Variants in PVALEF observed in about 807,000 individuals in gnomAD.
PVALEF encodes parvalbumin like EF-hand containing.
A neutral mutation model predicts 1.2 loss-of-function variants in PVALEF; 2 were observed. That is an observed-to-expected ratio of 1.68 (90% CI 0.69 to 5.28). PVALEF has a LOEUF of 5.28. PVALEF is among the 30% of genes most tolerant of loss of function. PVALEF has a pLI of 0.06. For synonymous variants in PVALEF, 16 were observed against 6.5 expected (o/e 2.47, Z -2.24); for missense variants, 35 against 17.7 (o/e 1.97, Z -1.75).
chr17:81,166,298 A>G (rs112054220), intron 1 of PVALEF, among the ~76,000 whole-genome samples: 46,107 of 53,588 alleles, frequency 0.86, 19,837 homozygotes, highest in Admixed American at 0.88. Flanking sequence ...GCATGGGGGG[A>G]GCACGGAGAG....
At chr17:81,180,587 G>C (rs1254071939) in intron 3 of PVALEF, among the ~76,000 whole-genome samples, 1 of 152,198 alleles carries the variant, frequency 6.6e-6, no homozygotes, top group Non-Finnish European at 1.5e-5. Flanking sequence ...GCACAACCCT[G>C]TGAAGGGGCA....
At chr17:81,180,407 C>G (rs986622440) in intron 3 of PVALEF, among the ~76,000 whole-genome samples, 1 of 152,056 alleles carries the variant, frequency 6.6e-6, no homozygotes. Flanking sequence ...TGAAGTGGGG[C>G]GGGGCCTGTC....
intron 2 of PVALEF, among the ~76,000 whole-genome samples, chr17:81,175,242 A>T (rs2061532941): frequency 6.6e-6 from 1 of 152,262 alleles, no homozygotes; most frequent in Non-Finnish European, 1.5e-5. Context: ...TTGCACAATG[A>T]AAACTACAAA....
In PVALEF at chr17:81,181,943, G is replaced by C. The variant is rs189724100; in HGVS notation, c.243-23G>C. The C allele has an allele frequency of 2.5e-4, 98 of 398,488 alleles. 2 individuals are homozygous for C. Among genetic ancestry groups the C allele is most frequent in the East Asian group, 2.4e-3 (67 of 28,060 alleles). The allele number at this position is 398,488 out of a possible 1,614,324, so 24.7% of individuals were successfully genotyped here. A position where few individuals can be genotyped will look rare whatever the true frequency, so the allele number is the denominator to read the frequency against. On this transcript the variant is annotated intron_variant, in intron 5 of 6. Coordinates refer to ENST00000637878, the MANE Select transcript of PVALEF (RefSeq NM_001354639.2). Reference sequence around the variant, plus strand: ...CACTGGCCGGAAGCCCCTTGGCCCTGACTCGAGCCCCCTTGGCCCCAGGTA... The same window carrying C: ...CACTGGCCGGAAGCCCCTTGGCCCTCACTCGAGCCCCCTTGGCCCCAGGTA...
At chr17:81,170,231 A>G (rs9895984) in intron 2 of PVALEF, among the ~76,000 whole-genome samples, 35,874 of 148,404 alleles carry the variant, frequency 0.24, 4,666 homozygotes, top group Non-Finnish European at 0.28. Flanking sequence ...GTGTGCATGT[A>G]TGTGTACACA....
At chr17:81,167,059 AG>A (rs770329783) in intron 2 of PVALEF, among the ~76,000 whole-genome samples, 16 of 152,052 alleles carry the variant, frequency 1.1e-4, no homozygotes, top group Non-Finnish European at 1.0e-4. Context: ...TTGGGAGGCC[AG>A]GGCAGGCGGG....
At chr17:81,166,104 C>G (rs1282738595) in intron 1 of PVALEF, 2 of 571,892 alleles carry the variant, frequency 3.5e-6, no homozygotes, top group African/African-American at 2.1e-5. Context: ...CGGAGCGCGC[C>G]GGCCCCCGCG....
intron 2 of PVALEF, among the ~76,000 whole-genome samples, chr17:81,169,909 T>C (rs2061513032): frequency 6.6e-6 from 1 of 151,938 alleles, no homozygotes; most frequent in South Asian, 2.1e-4. Context: ...GGTAGGTGTG[T>C]ATCGGTTTGT....
At position 81,180,142 on chromosome 17, in the gene PVALEF, G is replaced by A. The variant is rs570761735; in HGVS notation, c.-104-981G>A. Among the ~76,000 whole-genome samples the A allele has an allele frequency of 4.9e-4, 75 of 152,292 alleles. No individual in the cohort carries two copies. In the Middle Eastern group the frequency reaches 0.024, roughly 48 times the overall value. Reference sequence around the variant, plus strand: ...CCGGATCTCGGGCTCCCCTGCCTTCGTTGGGGGCACCCCTGAGAGCAGTGG... The same window carrying A: ...CCGGATCTCGGGCTCCCCTGCCTTCATTGGGGGCACCCCTGAGAGCAGTGG... On this transcript the variant is annotated intron_variant, in intron 3 of 6. Transcript: ENST00000637878.
chr17:81,171,104 C>T (rs575414245), intron 2 of PVALEF, among the ~76,000 whole-genome samples: 149 of 152,320 alleles, frequency 9.8e-4, no homozygotes, highest in Admixed American at 1.7e-3. Context: ...CTGTCTAGTG[C>T]GGGGACAAGG....
chr17:81,182,070 T>C lies in PVALEF; in HGVS notation c.347T>C (p.Ile116Thr), dbSNP rs969666091. The change falls in exon 6 of 7, where the codon ATC (isoleucine) becomes ACC (threonine). Residue 116 changes from isoleucine (I) to threonine (T), a missense_variant. By Grantham distance (89) the Ile-to-Thr change is moderately conservative. Transcript: ENST00000637878. ...GCAGACACACACGGGGACGGGAGGA[T>C]CAACTACGAAGGTGGGGGCAGCACA... ...QAADTHGDGRINYEEFSELIK... is the reference protein window; with the variant it reads ...QAADTHGDGRTNYEEFSELIK... 3 of 398,406 alleles carry C rather than the reference T, an allele frequency of 7.5e-6. No homozygotes were observed. Among genetic ancestry groups the C allele is most frequent in the African/African-American group, 4.1e-5 (2 of 48,568 alleles). 24.7% of individuals were successfully genotyped at this position (398,406 alleles called of 1,614,324 possible). A position where few individuals can be genotyped will look rare whatever the true frequency, so the allele number is the denominator to read the frequency against.
intron 3 of PVALEF, among the ~76,000 whole-genome samples, chr17:81,179,910 TTGGCAGGGCCTTTCC>T (rs2061548005): frequency 6.6e-6 from 1 of 152,124 alleles, no homozygotes; most frequent in East Asian, 1.9e-4. Flanking sequence ...CAGAGGCCTT[TTGGCAGGGCCTTTCC>T]TGGCACTGAG....
rs559884559 is a variant in PVALEF, at chr17:81,171,166, G to A, written c.-340+4322G>A. 2.0e-5 allele frequency among the ~76,000 whole-genome samples: 3 copies of A among 152,234 alleles called. 1 individual carries two copies. Among genetic ancestry groups the A allele is most frequent in the African/African-American group, 7.2e-5 (3 of 41,464 alleles). On this transcript the variant is annotated intron_variant, in intron 2 of 6. Coordinates refer to ENST00000637878, the MANE Select transcript of PVALEF (RefSeq NM_001354639.2). ...GAAGTGGTCCTTGTGGCCCTTCCAG[G>A]CCGGCGTAGCCCATAGTCGGGGCCA... is the stretch of plus-strand genomic sequence containing the variant.
At chr17:81,182,250 C>T (rs1015061006) in intron 6 of PVALEF, among the ~76,000 whole-genome samples, 169 bp downstream of exon 6, 7 of 152,338 alleles carry the variant, frequency 4.6e-5, no homozygotes, top group Non-Finnish European at 7.4e-5. Flanking sequence ...GGCCAAGGGC[C>T]CCACTGCAGA....
Position 81,174,142 on chromosome 17 carries a change from A to T in PVALEF, c.-339-4776A>T, listed in dbSNP as rs181088494. Reference sequence around the variant, plus strand: ...CTATGAACAGAAGGAAACTACCTCAACCATCCATGGTGATAAAAACCATCC... The same window carrying T: ...CTATGAACAGAAGGAAACTACCTCATCCATCCATGGTGATAAAAACCATCC... On this transcript the variant is annotated intron_variant, in intron 2 of 6. Transcript: ENST00000637878. Among the ~76,000 whole-genome samples, 187 of 152,230 alleles carry T rather than the reference A, an allele frequency of 1.2e-3. 1 individual carries two copies. Among genetic ancestry groups the T allele is most frequent in the African/African-American group, 4.0e-3 (168 of 41,552 alleles).
chr17:81,165,731 C>T lies in PVALEF; in HGVS notation c.-524C>T. ...GTCACGACCACGCGGGGGACGCCAG[C>T]CCACAGGCGGAGGCCGGTTTGTGCT... On this transcript the variant is annotated 5_prime_UTR_variant, in exon 1 of 7. Transcript: ENST00000637878. 1 of 1,524,128 alleles carries T rather than the reference C, an allele frequency of 6.6e-7. No homozygotes were observed. The allele number at this position is 1,524,128 out of a possible 1,614,324, so 94.4% of individuals were successfully genotyped here. A position where few individuals can be genotyped will look rare whatever the true frequency, so the allele number is the denominator to read the frequency against.
intron 6 of PVALEF, among the ~76,000 whole-genome samples, chr17:81,182,735 T>C (rs893835053): frequency 2.0e-5 from 3 of 151,984 alleles, no homozygotes; most frequent in African/African-American, 7.3e-5. Context: ...CCAGCTGGGG[T>C]CAACTTGTGA....
chr17:81,173,881 C>T (rs1179222249), intron 2 of PVALEF, among the ~76,000 whole-genome samples: 1 of 152,108 alleles, frequency 6.6e-6, no homozygotes, highest in African/African-American at 2.4e-5. Context: ...CTCTCATGAA[C>T]ACAGATTCAA....
At position 81,182,964 on chromosome 17, in the gene PVALEF, G is replaced by T. The variant is rs188129284; in HGVS notation, c.359-1G>T. 78 of 398,648 alleles carry T rather than the reference G, an allele frequency of 2.0e-4. No individual in the cohort carries two copies. The East Asian group carries it at 2.6e-3, about 13-fold the overall frequency. The allele number at this position is 398,648 out of a possible 1,614,324, so 24.7% of individuals were successfully genotyped here. On this transcript the variant is annotated splice_acceptor_variant, in intron 6 of 6. Coordinates refer to ENST00000637878, the MANE Select transcript of PVALEF (RefSeq NM_001354639.2). LOFTEE classifies it high-confidence loss of function. ...TACTTTAAATTGGTCTCCTGCTCTA[G>T]AATTTTCTGAATTGATCAAAAAGGA... is the stretch of plus-strand genomic sequence containing the variant.
Sources: allele counts gnomAD v4.1 joint callset (sites outside exome capture counted in the v4.1 genomes callset), GRCh38; gene constraint gnomAD v4.1.1; transcripts MANE v1.5; gene names NCBI Gene and HGNC (gene_info 2026-07-23, HGNC 2026-07-21).